PSEN1: variants seen among roughly 807,000 people sequenced by gnomAD.
PSEN1 encodes presenilin 1.
Under a neutral mutation model 53.5 loss-of-function variants are expected in PSEN1, and 15 were observed. The observed-to-expected ratio is 0.28, with a 90% CI of 0.19 to 0.43. PSEN1 has a LOEUF of 0.43. Ranked by LOEUF, PSEN1 falls within the 20% of genes least tolerant of loss-of-function variation. The pLI, the probability that PSEN1 is intolerant of heterozygous loss-of-function variation, is 1.00. For synonymous variants in PSEN1, 208 were observed against 209.8 expected (o/e 0.99, Z 0.08); for missense variants, 387 against 571.2 (o/e 0.68, Z 3.29).
In PSEN1 at chr14:73,165,027, G is replaced by A. The variant is rs1594988315; in HGVS notation, c.88-5770G>A. Among the ~76,000 whole-genome samples the A allele has an allele frequency of 1.3e-5, 2 of 152,120 alleles. 1 individual carries two copies. Among genetic ancestry groups the A allele is most frequent in the Middle Eastern group, 6.8e-3 (2 of 294 alleles). ...GTTGGAGTACAGTGGCACGATCTTG[G>A]CTCACTGCAACCTCTGCTTCCCGGG... is the stretch of plus-strand genomic sequence containing the variant. On this transcript the variant is annotated intron_variant, in intron 3 of 11. Transcript: ENST00000324501.
chr14:73,165,384 C>T (rs1051079555), intron 3 of PSEN1, among the ~76,000 whole-genome samples: 8 of 152,190 alleles, frequency 5.3e-5, no homozygotes, highest in African/African-American at 1.7e-4. Context: ...GATTCTCCTG[C>T]GTTAGCCTCC....
chr14:73,177,184 T>C (rs1189483535), intron 5 of PSEN1, among the ~76,000 whole-genome samples: 1 of 152,254 alleles, frequency 6.6e-6, no homozygotes, highest in African/African-American at 2.4e-5. Context: ...TGGGAAATTA[T>C]ATTTTAATCT....
chr14:73,199,413 A>G (rs1442653637), intron 8 of PSEN1, among the ~76,000 whole-genome samples: 1 of 152,220 alleles, frequency 6.6e-6, no homozygotes, highest in African/African-American at 2.4e-5. Flanking sequence ...TGGGCAAGCC[A>G]GTATTTTTCA....
intron 10 of PSEN1, among the ~76,000 whole-genome samples, chr14:73,213,655 A>C (rs1048070477): frequency 6.6e-6 from 1 of 152,224 alleles, no homozygotes; most frequent in Non-Finnish European, 1.5e-5. Context: ...CAATCTGTTA[A>C]AAGTCAACAT....
rs1431394626 is a variant in PSEN1, at chr14:73,221,331, A to C, written c.*2042A>C. ...AGCACAGCTACAGCAAAGCCACCTGAATAGCAATTTGTGATTGGAAGCATT... is the reference window on the plus strand; with the variant it reads ...AGCACAGCTACAGCAAAGCCACCTGCATAGCAATTTGTGATTGGAAGCATT... On this transcript the variant is annotated 3_prime_UTR_variant, in exon 12 of 12. Coordinates refer to ENST00000324501, the MANE Select transcript of PSEN1 (RefSeq NM_000021.4). 2 of 152,260 alleles carry C rather than the reference A, an allele frequency of 1.3e-5. No individual in the cohort carries two copies. The highest frequency in any genetic ancestry group is 6.5e-5 in the Admixed American group (1 of 15,284). The allele number at this position is 152,260 out of a possible 1,614,324, so 9.4% of individuals were successfully genotyped here. A position where few individuals can be genotyped will look rare whatever the true frequency, so the allele number is the denominator to read the frequency against.
intron 4 of PSEN1, among the ~76,000 whole-genome samples, chr14:73,172,997 A>T (rs760217898): frequency 1.3e-5 from 2 of 152,212 alleles, no homozygotes; most frequent in African/African-American, 4.8e-5. Context: ...ACTTGTTCTC[A>T]TAGCCATCCT....
Position 73,147,955 on chromosome 14 carries a change from T to C in PSEN1, c.-53-12T>C, listed in dbSNP as rs1392950542. ...GTAGTGCACAAAGTTCTGTTTTTCT[T>C]TCCCTTTTCAGAACCTCAAGAGGCT... On this transcript the variant is annotated splice_polypyrimidine_tract_variant and intron_variant, in intron 2 of 11. Transcript: ENST00000324501. The C allele has an allele frequency of 7.7e-7, 1 of 1,292,004 alleles. No homozygotes were observed. Among genetic ancestry groups the C allele is most frequent in the Non-Finnish European group, 1.1e-6 (1 of 890,234 alleles). 80.0% of individuals were successfully genotyped at this position (1,292,004 alleles called of 1,614,324 possible). A position where few individuals can be genotyped will look rare whatever the true frequency, so the allele number is the denominator to read the frequency against.
intron 8 of PSEN1, among the ~76,000 whole-genome samples, chr14:73,199,397 GA>G (rs1899086080): frequency 6.6e-6 from 1 of 152,134 alleles, no homozygotes; most frequent in African/African-American, 2.4e-5. Context: ...GAAAATAGTG[GA>G]AAATTGGGCA....
chr14:73,142,389 AG>A (rs1290606645), intron 1 of PSEN1, among the ~76,000 whole-genome samples: 1 of 152,248 alleles, frequency 6.6e-6, no homozygotes, highest in Non-Finnish European at 1.5e-5. Context: ...AAACTAGTCA[AG>A]TAGCTTAGAG....
At position 73,219,559 on chromosome 14, in the gene PSEN1, A is replaced by G. The variant is rs972210322; in HGVS notation, c.*270A>G. The G allele has an allele frequency of 4.4e-5, 20 of 455,368 alleles. No individual in the cohort carries two copies. Among genetic ancestry groups the G allele is most frequent in the African/African-American group, 4.0e-4 (20 of 50,330 alleles). The allele number at this position is 455,368 out of a possible 1,614,324, so 28.2% of individuals were successfully genotyped here. ...AGATTTGAGGGACGAGGTCAAGGAG[A>G]TATGATAGGCCCGGAAGTTGCTGTG... On this transcript the variant is annotated 3_prime_UTR_variant, in exon 12 of 12. Transcript: ENST00000324501.
chr14:73,196,474 A>G (rs1444313125), intron 7 of PSEN1, among the ~76,000 whole-genome samples: 1 of 102,284 alleles, frequency 9.8e-6, no homozygotes, highest in Admixed American at 1.2e-4. Context: ...GAGGCATGAA[A>G]TTTTTTTTTT....
At position 73,191,651 on chromosome 14, in the gene PSEN1, A is replaced by G. The variant is rs978250971; in HGVS notation, c.549-993A>G. On this transcript the variant is annotated intron_variant, in intron 6 of 11. Coordinates refer to ENST00000324501, the MANE Select transcript of PSEN1 (RefSeq NM_000021.4). ...AGCCTCTAACTCCCAGGCTCAAGCT[A>G]TCTTCCTGCCCCAGCCTCCTGAGTA... Among the ~76,000 whole-genome samples, 4 of 151,862 alleles carry G rather than the reference A, an allele frequency of 2.6e-5. No individual in the cohort carries two copies. The East Asian group carries it at 7.7e-4, about 29-fold the overall frequency.
At chr14:73,161,351 T>G (rs1243168425) in intron 3 of PSEN1, among the ~76,000 whole-genome samples, 1 of 152,038 alleles carries the variant, frequency 6.6e-6, no homozygotes, top group Non-Finnish European at 1.5e-5. Flanking sequence ...GTGTAGAAAT[T>G]TGGTGTAGGC....
At chr14:73,150,076 T>G (rs1897173900) in intron 3 of PSEN1, among the ~76,000 whole-genome samples, 1 of 152,214 alleles carries the variant, frequency 6.6e-6, no homozygotes. Context: ...TTTCTCAAGT[T>G]TTTGTTGTGA....
At chr14:73,161,590 C>T (rs1472393085) in intron 3 of PSEN1, among the ~76,000 whole-genome samples, 1 of 151,794 alleles carries the variant, frequency 6.6e-6, no homozygotes, top group Non-Finnish European at 1.5e-5. Flanking sequence ...CCAGGAGACA[C>T]CCCAGGCTCA....
intron 9 of PSEN1, among the ~76,000 whole-genome samples, chr14:73,209,654 A>G (rs534436924): frequency 1.3e-5 from 2 of 152,340 alleles, no homozygotes; most frequent in East Asian, 3.9e-4. Context: ...TGTGATAGGT[A>G]CTACAAAGAA....
chr14:73,171,994 T>C (rs362357), intron 4 of PSEN1, among the ~76,000 whole-genome samples: 2,450 of 152,318 alleles, frequency 0.016, 48 homozygotes, highest in East Asian at 0.049. Flanking sequence ...TTACATTGTT[T>C]ATTTAATGCC....
At chr14:73,199,010 A>G (rs1899069504) in intron 8 of PSEN1, among the ~76,000 whole-genome samples, 1 of 152,096 alleles carries the variant, frequency 6.6e-6, no homozygotes, top group Non-Finnish European at 1.5e-5. Flanking sequence ...CCTCGGCTTA[A>G]GCGATCCTCC....
At chr14:73,183,527 T>A (rs1898295029) in intron 5 of PSEN1, among the ~76,000 whole-genome samples, 1 of 152,210 alleles carries the variant, frequency 6.6e-6, no homozygotes, top group Admixed American at 6.5e-5. Flanking sequence ...TTCAAGCATC[T>A]GTTTAACAAA....
Sources: gnomAD v4.1 joint callset for allele counts (sites outside exome capture counted in the v4.1 genomes callset) on GRCh38, gnomAD v4.1.1 for gene constraint, MANE v1.5 for transcripts, NCBI Gene and HGNC (gene_info 2026-07-23, HGNC 2026-07-21) for gene names.